Variants in NPNT observed in about 807,000 individuals in gnomAD.
NPNT encodes the protein preosteoblast EGF-like repeat protein with MAM domain.
In NPNT, 45 loss-of-function variants were observed where a neutral mutation model predicts 68.6. The observed-to-expected ratio is 0.66, with a 90% confidence interval of 0.52 to 0.84. The LOEUF (loss-of-function observed/expected upper bound fraction) is 0.84, where lower values mean the gene tolerates loss of function less well. NPNT is among the 40% of genes least tolerant of loss of function. The probability of loss-of-function intolerance (pLI) is 0.00; values close to 1 mark genes in which losing one functional copy is unlikely to be tolerated. For synonymous variants in NPNT, 233 were observed against 253.3 expected, an observed-to-expected ratio of 0.92 and a Z score of 0.76; for missense variants, 672 against 714.8, an observed-to-expected ratio of 0.94 and a Z score of 0.68.
At chr4:105,962,785 G>C (rs145478755) in intron 10 of NPNT, among the ~76,000 whole-genome samples, 4 of 152,198 alleles carry the variant, frequency 2.6e-5, no homozygotes, top group East Asian at 3.9e-4. Flanking sequence ...GCACTGATGG[G>C]AAAATACTAA....
At chr4:105,939,229 T>A (rs1729732113) in intron 5 of NPNT, among the ~76,000 whole-genome samples, 1 of 152,134 alleles carries the variant, frequency 6.6e-6, no homozygotes, top group South Asian at 2.1e-4. Flanking sequence ...TAACATGAGG[T>A]ACTGAGAGAA....
At chr4:105,954,720 C>T (rs1402095548) in intron 8 of NPNT, among the ~76,000 whole-genome samples, 1 of 152,150 alleles carries the variant, frequency 6.6e-6, no homozygotes, top group East Asian at 1.9e-4. Flanking sequence ...TTTCATTCTC[C>T]AGAGCCATAG....
intron 2 of NPNT, among the ~76,000 whole-genome samples, chr4:105,920,069 T>C (rs1265616308): frequency 6.6e-6 from 1 of 152,046 alleles, no homozygotes; most frequent in Non-Finnish European, 1.5e-5. Flanking sequence ...AGGAGCTCAG[T>C]CTTCTTCCTA....
intron 8 of NPNT, among the ~76,000 whole-genome samples, chr4:105,952,447 T>C (rs1730909091): frequency 6.6e-6 from 1 of 152,206 alleles, no homozygotes; most frequent in Non-Finnish European, 1.5e-5. Context: ...ATAATGACAA[T>C]AGTCTTTTCA....
intron 10 of NPNT, among the ~76,000 whole-genome samples, chr4:105,966,254 G>A (rs1192324562): frequency 1.3e-5 from 2 of 152,158 alleles, no homozygotes; most frequent in Non-Finnish European, 2.9e-5. Flanking sequence ...ATTTGTACAT[G>A]GATCAAGTTT....
intron 3 of NPNT, among the ~76,000 whole-genome samples, chr4:105,934,719 T>C (rs754252089): frequency 4.5e-4 from 68 of 152,358 alleles, no homozygotes; most frequent in Non-Finnish European, 8.7e-4. Context: ...CATTTACCCA[T>C]TGAATGTTGC....
At chr4:105,940,695 G>A in intron 7 of NPNT, 59 bp downstream of exon 7, 1 of 1,454,800 alleles carries the variant, frequency 6.9e-7, no homozygotes, top group Non-Finnish European at 9.5e-7. Flanking sequence ...ATTACACAAA[G>A]GCCATTGCTA....
In NPNT at chr4:105,895,576, C is replaced by A; in HGVS notation, c.-77C>A. ...GGGTTCCTCGAGACTCTCAGAGGGG[C>A]GCCTCCCATCGGCGCCCACCACCCC... is the stretch of plus-strand genomic sequence containing the variant. On this transcript the variant is annotated 5_prime_UTR_variant, in exon 1 of 12. Coordinates refer to ENST00000379987, the MANE Select transcript of NPNT (RefSeq NM_001033047.3). 1 of 1,195,380 alleles carries A rather than the reference C, an allele frequency of 8.4e-7. No individual in the cohort carries two copies. The highest frequency in any genetic ancestry group is 1.2e-6 in the Non-Finnish European group (1 of 834,790). 74.0% of individuals were successfully genotyped at this position (1,195,380 alleles called of 1,614,324 possible).
At chr4:105,917,241 T>C (rs951215835) in intron 2 of NPNT, among the ~76,000 whole-genome samples, 1 of 152,224 alleles carries the variant, frequency 6.6e-6, no homozygotes, top group Non-Finnish European at 1.5e-5. Flanking sequence ...TCCAGACTTC[T>C]GCTGCTTCAT....
At chr4:105,941,097 C>T (rs963799682) in intron 7 of NPNT, among the ~76,000 whole-genome samples, 1 of 151,964 alleles carries the variant, frequency 6.6e-6, no homozygotes, top group Non-Finnish European at 1.5e-5. Flanking sequence ...CTAGCACTTT[C>T]GGAGGCCATA....
Position 105,969,095 on chromosome 4 carries a change from T to C in NPNT, c.*105T>C, listed in dbSNP as rs1732393438. 4 of 722,136 alleles carry C rather than the reference T, an allele frequency of 5.5e-6. No individual in the cohort carries two copies. The Admixed American group carries it at 8.0e-5, about 15-fold the overall frequency. The allele number at this position is 722,136 out of a possible 1,614,324, so 44.7% of individuals were successfully genotyped here. ...TTATCAGGCCTAGGAGAAGAGTGGG[T>C]CAGTGGGTCAGAAGGAAGTCTATTT... On this transcript the variant is annotated 3_prime_UTR_variant, in exon 12 of 12. Coordinates refer to ENST00000379987, the MANE Select transcript of NPNT (RefSeq NM_001033047.3).
At chr4:105,959,169 G>A in intron 10 of NPNT, 43 bp downstream of exon 10, 1 of 1,226,410 alleles carries the variant, frequency 8.2e-7, no homozygotes, top group East Asian at 2.3e-5. Flanking sequence ...ACATTTCAAT[G>A]TGATACTATC....
chr4:105,967,345 G>A lies in NPNT; in HGVS notation c.1503G>A (p.Val501=). Residue 501 remains valine, a synonymous_variant, in exon 11 of 12, where the codon GTG becomes GTA. Coordinates refer to ENST00000379987, the MANE Select transcript of NPNT (RefSeq NM_001033047.3). ...ACTCTGGCACACTCCAGGTGTTTGTGAGAAAACACGGTGCCCACGGAGCAG... is the reference window on the plus strand; with the variant it reads ...ACTCTGGCACACTCCAGGTGTTTGTAAGAAAACACGGTGCCCACGGAGCAG... ...GLHSGTLQVF[V]RKHGAHGAAL... is the part of the protein sequence containing the mutation. 1 of 1,610,628 alleles carries A rather than the reference G, an allele frequency of 6.2e-7. No homozygotes were observed. Among genetic ancestry groups the A allele is most frequent in the Non-Finnish European group, 8.5e-7 (1 of 1,178,318 alleles).
At chr4:105,956,743 C>T (rs1731259072) in intron 8 of NPNT, among the ~76,000 whole-genome samples, 1 of 152,114 alleles carries the variant, frequency 6.6e-6, no homozygotes, top group Non-Finnish European at 1.5e-5. Flanking sequence ...GATGTCATTG[C>T]TGTCAGTCAG....
intron 2 of NPNT, among the ~76,000 whole-genome samples, chr4:105,920,395 T>TAAAAAAAAAAAAA (rs11355483): frequency 3.8e-5 from 3 of 79,460 alleles, no homozygotes; most frequent in African/African-American, 1.5e-4. Flanking sequence ...GTTACTCTAC[T>TAAAAAAAAAAAAA]AAAAAAAAAA....
At chr4:105,947,591 G>T (rs1730484641) in intron 8 of NPNT, among the ~76,000 whole-genome samples, 2 of 152,040 alleles carry the variant, frequency 1.3e-5, no homozygotes, top group Admixed American at 1.3e-4. Flanking sequence ...GATACTCAGG[G>T]TTAATGGACA....
chr4:105,920,590 A>G (rs182508011), intron 2 of NPNT, among the ~76,000 whole-genome samples: 269 of 152,122 alleles, frequency 1.8e-3, no homozygotes, highest in African/African-American at 6.3e-3. Flanking sequence ...GTGAAAAGGG[A>G]TAGTGCTTAA....
At chr4:105,927,254 A>T (rs1176743819) in intron 2 of NPNT, 82 bp from the exon 3 acceptor site, 5 of 825,326 alleles carry the variant, frequency 6.1e-6, no homozygotes, top group Admixed American at 2.7e-5. Flanking sequence ...TTCTTTTATT[A>T]TTAAACTAGT....
intron 2 of NPNT, among the ~76,000 whole-genome samples, chr4:105,914,141 C>G (rs1049222092): frequency 6.6e-6 from 1 of 150,764 alleles, no homozygotes; most frequent in Admixed American, 6.7e-5. Context: ...GGGAAAGAAT[C>G]ATTTCCTGCT....
Sources: allele counts gnomAD v4.1 joint callset (sites outside exome capture counted in the v4.1 genomes callset), GRCh38; gene constraint gnomAD v4.1.1; transcripts MANE v1.5; gene names NCBI Gene and HGNC (gene_info 2026-07-23, HGNC 2026-07-21).